Variants in LRRC4C observed in about 807,000 individuals in gnomAD.
The protein encoded by LRRC4C is leucine rich repeat containing 4C, also known as leucine-rich repeat-containing protein 4C.
A neutral mutation model predicts 33.6 loss-of-function variants in LRRC4C; 5 were observed. The ratio of observed to expected loss-of-function variants is 0.15; its 90% confidence interval spans 0.08 to 0.31. The LOEUF is 0.31. Among genes scored for constraint, LRRC4C ranks in the 10% least tolerant of loss-of-function variants. LRRC4C has a pLI of 1.00. For missense variants in LRRC4C, 560 were observed against 796.7 expected (o/e 0.70, Z 3.58); for synonymous variants, 329 against 302.0 (o/e 1.09, Z -0.93).
At chr11:41,223,049 C>G (rs1480929139) in intron 1 of LRRC4C, 1 of 152,058 alleles carries the variant, frequency 6.6e-6, no homozygotes, top group Admixed American at 6.6e-5. Flanking sequence ...AAGTATTTAT[C>G]AGAGCACTGG....
chr11:40,850,274 T>C lies in LRRC4C; in HGVS notation c.-407+83361A>G, dbSNP rs375465615. On this transcript the variant is annotated intron_variant, in intron 2 of 6. Coordinates refer to ENST00000528697, the MANE Select transcript of LRRC4C (RefSeq NM_001258419.2). ...GTTTTTCCTCATCTTTGTGGATTTA[T>C]CTACCTTTGATCTTTGCTGTTGGTG... Among the ~76,000 whole-genome samples, 28 of 152,292 alleles carry C rather than the reference T, an allele frequency of 1.8e-4. No homozygotes were observed. The South Asian group carries it at 5.2e-3, about 28-fold the overall frequency.
At chr11:40,896,510 G>T (rs1407081658) in intron 2 of LRRC4C, among the ~76,000 whole-genome samples, 1 of 150,644 alleles carries the variant, frequency 6.6e-6, no homozygotes, top group African/African-American at 2.4e-5. Context: ...TGTAACAAAT[G>T]ATAGAAATTT....
intron 1 of LRRC4C, among the ~76,000 whole-genome samples, chr11:41,012,130 T>G (rs577135437): frequency 1.3e-5 from 2 of 152,226 alleles, no homozygotes; most frequent in East Asian, 3.9e-4. Context: ...GTACAATAGA[T>G]TACTGTAAAC....
chr11:40,866,481 G>T (rs940629197), intron 2 of LRRC4C, among the ~76,000 whole-genome samples: 3 of 152,070 alleles, frequency 2.0e-5, no homozygotes, highest in South Asian at 4.1e-4. Context: ...AAAATGAATT[G>T]ACTAGACATG....
At chr11:41,347,888 T>C (rs1951852041) in intron 1 of LRRC4C, among the ~76,000 whole-genome samples, 1 of 152,182 alleles carries the variant, frequency 6.6e-6, no homozygotes, top group African/African-American at 2.4e-5. Flanking sequence ...GAACCACCGG[T>C]ACTAATTATT....
intron 1 of LRRC4C, among the ~76,000 whole-genome samples, chr11:41,048,920 C>T (rs1323430912): frequency 3.9e-5 from 6 of 152,026 alleles, no homozygotes; most frequent in African/African-American, 1.4e-4. Context: ...CTTCCTGGAT[C>T]GTAAATTTTA....
chr11:40,223,910 A>T (rs528536492), intron 5 of LRRC4C, among the ~76,000 whole-genome samples: 1 of 152,290 alleles, frequency 6.6e-6, no homozygotes, highest in South Asian at 2.1e-4. Context: ...ATCCTTCAAT[A>T]GTTTTGTTTC....
At position 41,209,026 on chromosome 11, in the gene LRRC4C, T is replaced by C. The variant is rs372714434; in HGVS notation, c.-496+250405A>G. 2.3e-3 allele frequency among the ~76,000 whole-genome samples: 340 copies of C among 148,262 alleles called. 1 individual carries two copies. Among genetic ancestry groups the C allele is most frequent in the African/African-American group, 7.9e-3 (317 of 40,102 alleles). On this transcript the variant is annotated intron_variant, in intron 1 of 6. Coordinates refer to ENST00000528697, the MANE Select transcript of LRRC4C (RefSeq NM_001258419.2). ...AGCCTTAAGAGCAAACGAACAGACA[T>C]AGGGGCCTATTTGAAGGGGAAAGGT...
rs57310532 is a variant in LRRC4C at position 40,766,083 on chromosome 11, GAA to G, written c.-406-117807_-406-117806del. ...AAAGAAAAGATCCTAAAAGCAGCAA[GAA>G]AAAAAAAAAAACATACAAAGGAGCT... On this transcript the variant is annotated intron_variant, in intron 2 of 6. Coordinates refer to ENST00000528697, the MANE Select transcript of LRRC4C (RefSeq NM_001258419.2). Among the ~76,000 whole-genome samples the G allele has an allele frequency of 6.8e-3, 942 of 138,748 alleles. 15 individuals carry two copies. The highest frequency in any genetic ancestry group is 0.021 in the African/African-American group (791 of 37,882). 91.0% of individuals were successfully genotyped at this position (138,748 alleles called of 152,430 possible). A position where few individuals can be genotyped will look rare whatever the true frequency, so the allele number is the denominator to read the frequency against.
intron 3 of LRRC4C, among the ~76,000 whole-genome samples, chr11:40,496,967 G>T (rs1287782295): frequency 6.6e-6 from 1 of 152,156 alleles, no homozygotes; most frequent in African/African-American, 2.4e-5. Context: ...TGTTCTTAGC[G>T]TCCTCTCATG....
intron 4 of LRRC4C, among the ~76,000 whole-genome samples, chr11:40,317,254 G>A (rs1481128517): frequency 1.3e-5 from 2 of 150,076 alleles, no homozygotes; most frequent in Non-Finnish European, 3.0e-5. Context: ...ATATTGTTTT[G>A]CAAAGTATTA....
intron 2 of LRRC4C, among the ~76,000 whole-genome samples, chr11:40,795,989 A>G (rs546759466): frequency 1.3e-5 from 2 of 152,310 alleles, no homozygotes; most frequent in African/African-American, 4.8e-5. Context: ...TAATACGTCT[A>G]TATATTATCT....
At chr11:41,213,660 T>C (rs978453696) in intron 1 of LRRC4C, among the ~76,000 whole-genome samples, 1 of 152,194 alleles carries the variant, frequency 6.6e-6, no homozygotes, top group African/African-American at 2.4e-5. Context: ...AGACATCACA[T>C]GTTAGAGAGT....
intron 1 of LRRC4C, among the ~76,000 whole-genome samples, chr11:41,340,153 G>A (rs1951582601): frequency 6.6e-6 from 1 of 152,122 alleles, no homozygotes; most frequent in Admixed American, 6.5e-5. Context: ...TACAGAATGA[G>A]AACACAGAGG....
At chr11:41,028,886 T>G (rs924454438) in intron 1 of LRRC4C, among the ~76,000 whole-genome samples, 1 of 151,726 alleles carries the variant, frequency 6.6e-6, no homozygotes, top group African/African-American at 2.4e-5. Flanking sequence ...TCCTCTGATG[T>G]CCATAGAGAA....
chr11:40,119,929 A>G (rs1028619627), intron 6 of LRRC4C, among the ~76,000 whole-genome samples: 11 of 152,200 alleles, frequency 7.2e-5, no homozygotes, highest in Middle Eastern at 6.8e-3. Context: ...CCAGACAACA[A>G]GGGACAGCCC....
At chr11:41,277,290 A>G (rs1050193208) in intron 1 of LRRC4C, among the ~76,000 whole-genome samples, 1 of 152,124 alleles carries the variant, frequency 6.6e-6, no homozygotes, top group Admixed American at 6.6e-5. Flanking sequence ...ATTCAGGTGA[A>G]TTTTCCATGC....
intron 1 of LRRC4C, among the ~76,000 whole-genome samples, chr11:41,363,364 G>A (rs904826357): frequency 2.6e-5 from 4 of 152,210 alleles, no homozygotes; most frequent in Non-Finnish European, 4.4e-5. Context: ...TGAAATTTGC[G>A]GATATATAAA....
chr11:40,263,330 TC>T (rs760940984), intron 4 of LRRC4C, among the ~76,000 whole-genome samples: 21 of 152,106 alleles, frequency 1.4e-4, no homozygotes, highest in South Asian at 4.2e-4. Context: ...GGTAGGTTTT[TC>T]TTTGGCTGTT....
Sources: allele counts gnomAD v4.1 joint callset (sites outside exome capture counted in the v4.1 genomes callset), GRCh38; gene constraint gnomAD v4.1.1; transcripts MANE v1.5; gene names NCBI Gene and HGNC (gene_info 2026-07-23, HGNC 2026-07-21).